RYR3: variants seen among roughly 807,000 people sequenced by gnomAD.
The protein encoded by RYR3 is ryanodine receptor 3, also known as brain ryanodine receptor-calcium release channel.
Under a neutral mutation model 584.3 loss-of-function variants are expected in RYR3, and 207 were observed. The observed-to-expected ratio is 0.35, with a 90% CI of 0.32 to 0.40. The LOEUF is 0.40. Ranked by LOEUF, RYR3 falls within the 10% of genes least tolerant of loss-of-function variation. RYR3 has a pLI of 1.00. For missense variants in RYR3, 5,616 were observed against 6,089.2 expected (o/e 0.92, Z 2.59); for synonymous variants, 2,416 against 2,248.5 (o/e 1.07, Z -2.11).
Position 33,636,427 on chromosome 15 carries a change from G to A in RYR3, c.3433G>A (p.Gly1145Arg), listed in dbSNP as rs2061502979. The A allele has an allele frequency of 6.2e-7, 1 of 1,613,806 alleles. No individual in the cohort carries two copies. The highest frequency in any genetic ancestry group is 1.3e-5 in the African/African-American group (1 of 74,910). The stretch of plus-strand genomic sequence containing the variant: ...GTATTTTGGGCGTACCTGGCAGCCA[G>A]GGGATGTGGTCGGATGTATGATTAA... ...SGYFGRTWQP[G>R]DVVGCMINLD... Residue 1145 changes from glycine to arginine, a missense_variant, in exon 27 of 104, where the codon GGG (glycine) becomes AGG (arginine). Physicochemically the swap from Gly to Arg is moderately radical, Grantham distance 125 (BLOSUM62 -2). Coordinates refer to ENST00000634891, the MANE Select transcript of RYR3 (RefSeq NM_001036.6).
intron 80 of RYR3, among the ~76,000 whole-genome samples, chr15:33,822,516 G>T (rs1259542446): frequency 1.3e-5 from 2 of 152,206 alleles, no homozygotes; most frequent in African/African-American, 4.8e-5. Flanking sequence ...CGAGATGTCA[G>T]TTGACTTTCT....
chr15:33,541,917 G>T (rs2055854024), intron 7 of RYR3, among the ~76,000 whole-genome samples: 1 of 152,050 alleles, frequency 6.6e-6, no homozygotes, highest in Admixed American at 6.6e-5. Flanking sequence ...GAAGCTCTGG[G>T]TTTAAGTCTT....
chr15:33,810,624 C>T lies in RYR3; in HGVS notation c.10172C>T (p.Ser3391Phe), dbSNP rs1030065828. 7 of 1,613,886 alleles carry T rather than the reference C, an allele frequency of 4.3e-6. 1 individual carries two copies. The Admixed American group carries it at 5.0e-5, about 12-fold the overall frequency. Residue 3391 changes from serine (S) to phenylalanine (F), a missense_variant, in exon 71 of 104, where the codon TCC becomes TTC. Physicochemically the swap from Ser to Phe is radical, Grantham distance 155. Transcript: ENST00000634891. ...ACTCCAGGCGACCAGGAGCTGATCT[C>T]CCTCGCAAAATCGCGATACAGCCAT... ...MCTPGDQELISLAKSRYSHRD... is the reference protein window; with the variant it reads ...MCTPGDQELIFLAKSRYSHRD...
intron 43 of RYR3, among the ~76,000 whole-genome samples, chr15:33,713,136 T>C (rs963956335): frequency 2.0e-5 from 3 of 152,132 alleles, no homozygotes; most frequent in Non-Finnish European, 2.9e-5. Flanking sequence ...TGCTCAGCAA[T>C]GTAAGATAAA....
chr15:33,319,967 G>A (rs1968730182), intron 1 of RYR3, among the ~76,000 whole-genome samples: 1 of 152,138 alleles, frequency 6.6e-6, no homozygotes, highest in African/African-American at 2.4e-5. Flanking sequence ...CAAGCAGGTA[G>A]CTAAATGTGT....
intron 1 of RYR3, among the ~76,000 whole-genome samples, chr15:33,345,838 A>C (rs1972395672): frequency 6.6e-6 from 1 of 152,224 alleles, no homozygotes. Context: ...CCTACATGAA[A>C]GTGAAAATCC....
intron 67 of RYR3, among the ~76,000 whole-genome samples, chr15:33,797,535 CT>C (rs769737907): frequency 7.9e-5 from 12 of 152,152 alleles, no homozygotes; most frequent in Non-Finnish European, 1.6e-4. Flanking sequence ...ACTTACCACT[CT>C]GAGCTTGAAG....
chr15:33,669,842 G>GTA (rs879403628), intron 37 of RYR3, among the ~76,000 whole-genome samples: 1 of 20,410 alleles, frequency 4.9e-5, no homozygotes, highest in East Asian at 1.3e-3. Flanking sequence ...GTGTGTGTGT[G>GTA]TGGGGGGGGG....
intron 2 of RYR3, among the ~76,000 whole-genome samples, chr15:33,489,136 A>G (rs1449130269): frequency 6.6e-6 from 1 of 152,238 alleles, no homozygotes; most frequent in Non-Finnish European, 1.5e-5. Context: ...GAAATATTTT[A>G]TGAAGGAAAT....
At chr15:33,528,626 TTTG>T (rs2054593253) in intron 3 of RYR3, among the ~76,000 whole-genome samples, 2 of 152,186 alleles carry the variant, frequency 1.3e-5, no homozygotes, top group African/African-American at 4.8e-5. Context: ...TGCCCTCACT[TTTG>T]TTAAATCCTG....
At chr15:33,543,896 G>A (rs554654065) in intron 8 of RYR3, among the ~76,000 whole-genome samples, 181 bp downstream of exon 8, 52 of 152,114 alleles carry the variant, frequency 3.4e-4, no homozygotes, top group Non-Finnish European at 5.7e-4. Flanking sequence ...GCTTACAGGA[G>A]GAGCTCTGTA....
chr15:33,414,470 A>G (rs1453724863), intron 1 of RYR3, among the ~76,000 whole-genome samples: 1 of 152,222 alleles, frequency 6.6e-6, no homozygotes, highest in East Asian at 1.9e-4. Context: ...ATAACAAAAC[A>G]ACTCTGGCTC....
chr15:33,778,302 CCTT>C (rs1166856399), intron 64 of RYR3, among the ~76,000 whole-genome samples: 1 of 152,154 alleles, frequency 6.6e-6, no homozygotes, highest in Non-Finnish European at 1.5e-5. Context: ...CAATTTATCT[CCTT>C]ATTTCTTCCT....
intron 1 of RYR3, among the ~76,000 whole-genome samples, chr15:33,365,875 A>C (rs1567103614): frequency 6.6e-6 from 1 of 152,196 alleles, no homozygotes; most frequent in African/African-American, 2.4e-5. Flanking sequence ...GTCATGCCTC[A>C]GTAAAGTGGT....
In RYR3 at chr15:33,543,667, A is replaced by G; in HGVS notation, c.692A>G (p.Asp231Gly). The part of the protein sequence containing the change: ...GHVVRLFHGH[D>G]ECLTIPSTDQ... ...GTAGTACGTCTTTTCCATGGTCATG[A>G]TGAATGTTTGACGATACCATCTACA... The change falls in exon 8 of 104, where the codon GAT (aspartate) becomes GGT (glycine). Residue 231 changes from aspartate to glycine, a missense_variant. By Grantham distance (94) the Asp-to-Gly change is moderately conservative. This residue lies in a region of RYR3 where 1,284 missense variants were observed against 1,344.6 expected (regional missense o/e 0.95). Transcript: ENST00000634891. 1 of 1,613,160 alleles carries G rather than the reference A, an allele frequency of 6.2e-7. No homozygotes were observed.
chr15:33,658,344 T>C (rs1049554539), intron 32 of RYR3, among the ~76,000 whole-genome samples: 2 of 152,214 alleles, frequency 1.3e-5, no homozygotes, highest in Non-Finnish European at 2.9e-5. Flanking sequence ...CCTTGTTCCG[T>C]GGCCCTCTCG....
chr15:33,587,119 C>T (rs922272706), intron 16 of RYR3, among the ~76,000 whole-genome samples: 8 of 152,132 alleles, frequency 5.3e-5, no homozygotes, highest in African/African-American at 1.9e-4. Flanking sequence ...CAGCAGAAAG[C>T]CATGGTCCTT....
At chr15:33,775,665 T>C (rs2073948160) in intron 64 of RYR3, among the ~76,000 whole-genome samples, 1 of 152,144 alleles carries the variant, frequency 6.6e-6, no homozygotes, top group Admixed American at 6.5e-5. Context: ...TTGCCTGACC[T>C]CCAGGGTTTC....
In RYR3 at chr15:33,734,712, CAG is replaced by C. The variant is rs1480690572; in HGVS notation, c.7425-1520_7425-1519del. Among the ~76,000 whole-genome samples, 291 of 114,880 alleles carry C rather than the reference CAG, an allele frequency of 2.5e-3. 1 individual carries two copies. The highest frequency in any genetic ancestry group is 9.7e-3 in the African/African-American group (279 of 28,908). The allele number at this position is 114,880 out of a possible 152,430, so 75.4% of individuals were successfully genotyped here. The stretch of plus-strand genomic sequence containing the variant: ...TCTTTTTTTTTTTTTTTTTTTGAGA[CAG>C]AGTCTCGCTCTGTCGCCCAGGTTGG... On this transcript the variant is annotated intron_variant, in intron 48 of 103. Transcript: ENST00000634891.
Sources: allele counts gnomAD v4.1 joint callset (sites outside exome capture counted in the v4.1 genomes callset), GRCh38; gene constraint gnomAD v4.1.1; regional missense constraint gnomAD v4.1.1; transcripts MANE v1.5; gene names NCBI Gene and HGNC (gene_info 2026-07-23, HGNC 2026-07-21).